GTPBP1: variants seen among roughly 807,000 people sequenced by gnomAD.
The protein encoded by GTPBP1 is GTP binding protein 1.
Under a neutral mutation model 62.0 loss-of-function variants are expected in GTPBP1, and 23 were observed. That is an observed-to-expected ratio of 0.37 (90% CI 0.27 to 0.53). GTPBP1 has a LOEUF of 0.53. Among genes scored for constraint, GTPBP1 ranks in the 20% least tolerant of loss-of-function variants. The pLI is 0.89. For synonymous variants in GTPBP1, 344 were observed against 364.4 expected (o/e 0.94, Z 0.64); for missense variants, 640 against 917.3 (o/e 0.70, Z 3.90).
chr22:38,734,699 T>C (rs1603207601), downstream of GTPBP1: 1 of 178,640 alleles, frequency 5.6e-6, no homozygotes, highest in African/African-American at 2.4e-5. Context: ...CCCTAGGTGA[T>C]AGGCAAAAGC....
downstream of GTPBP1, chr22:38,740,995 G>A: frequency 6.3e-7 from 1 of 1,587,954 alleles, no homozygotes; most frequent in Non-Finnish European, 8.6e-7. The surrounding 1 kb of genome is among the most constrained non-coding windows in gnomAD (Gnocchi z 4.8). Flanking sequence ...GCCAGCTGGT[G>A]GCGCCCAGTA....
At chr22:38,740,861 T>G (rs1453752177), downstream of GTPBP1, 1 of 885,632 alleles carries the variant, frequency 1.1e-6, no homozygotes, top group East Asian at 2.7e-5. This position sits in a 1 kb window ranked among gnomAD's most constrained non-coding sequence, Gnocchi z 4.8. Context: ...GCAGGGGTCC[T>G]GAGCTGGGTT....
At position 38,723,178 on chromosome 22, in the gene GTPBP1, A is replaced by G. The variant is rs575146107; in HGVS notation, c.959-1119A>G. ...TGTCACTAAAAGCAACAGTTTCTGT[A>G]GGACCACGAAGGTGAAATCCAAAGG... is the stretch of plus-strand genomic sequence containing the variant. On this transcript the variant is annotated intron_variant, in intron 5 of 11. Coordinates refer to ENST00000216044, the MANE Select transcript of GTPBP1 (RefSeq NM_004286.5). The G allele has an allele frequency of 7.0e-5, 60 of 860,250 alleles. 1 individual carries two copies. In the East Asian group the frequency reaches 1.4e-3, roughly 20 times the overall value. The allele number at this position is 860,250 out of a possible 1,614,324, so 53.3% of individuals were successfully genotyped here. A position where few individuals can be genotyped will look rare whatever the true frequency, so the allele number is the denominator to read the frequency against.
At chr22:38,710,679 T>G (rs969443671) in intron 2 of GTPBP1, among the ~76,000 whole-genome samples, 2 of 152,230 alleles carry the variant, frequency 1.3e-5, no homozygotes, top group Non-Finnish European at 2.9e-5. Context: ...GAAGCTTTGA[T>G]GTCAGGTACA....
At chr22:38,736,357 C>T (rs775998616), downstream of GTPBP1, 2 of 1,613,890 alleles carry the variant, frequency 1.2e-6, no homozygotes, top group Non-Finnish European at 1.7e-6. Flanking sequence ...GCTCCACCAC[C>T]TGGTACGTGG....
Position 38,731,370 on chromosome 22 carries a change from A to G in GTPBP1, c.*666A>G, listed in dbSNP as rs2092759501. 6.6e-6 allele frequency: 1 copy of G among 152,508 alleles called. No homozygotes were observed. Among genetic ancestry groups the G allele is most frequent in the Non-Finnish European group, 1.5e-5 (1 of 68,158 alleles). The allele number at this position is 152,508 out of a possible 1,614,324, so 9.4% of individuals were successfully genotyped here. On this transcript the variant is annotated 3_prime_UTR_variant, in exon 12 of 12. Coordinates refer to ENST00000216044, the MANE Select transcript of GTPBP1 (RefSeq NM_004286.5). ...CTCCTTTTTCCCTTTAAGCCCACAG[A>G]TTCAGGTCATGCCAAAAGCTCTCTG...
rs1424265638 is a variant in GTPBP1, at chr22:38,730,209, G to A, written c.1918-403G>A. 6.6e-6 allele frequency among the ~76,000 whole-genome samples: 1 copy of A among 152,198 alleles called. No individual in the cohort carries two copies. The highest frequency in any genetic ancestry group is 2.4e-5 in the African/African-American group (1 of 41,442). ...GGTGCCCCTTGCACCCCTCTCCCCA[G>A]CATCTTTCTCCATTGTCCCCTCATT... is the stretch of plus-strand genomic sequence containing the variant. On this transcript the variant is annotated intron_variant, in intron 11 of 11. Transcript: ENST00000216044. The surrounding 1 kb of genome is among the most constrained non-coding windows in gnomAD (Gnocchi z 5.6).
At chr22:38,706,615 G>A (rs62228764) in intron 1 of GTPBP1, 10,201 of 156,922 alleles carry the variant, frequency 0.065, 719 homozygotes, top group African/African-American at 0.17. Flanking sequence ...ATGAAGACAG[G>A]TAGTCGGAGG....
chr22:38,743,013 A>T (rs1227922153), downstream of GTPBP1: 3 of 158,228 alleles, frequency 1.9e-5, no homozygotes, highest in African/African-American at 7.2e-5. Flanking sequence ...CTCCTTCCCT[A>T]GGTAACTATG....
rs541840065 is a variant in GTPBP1, at chr22:38,722,641, G to C, written c.958+776G>C. ...ATATTTATGAGTACAAGCATAATTG[G>C]TTCCTTGCCTTCTACAGATAATCAT... On this transcript the variant is annotated intron_variant, in intron 5 of 11. Coordinates refer to ENST00000216044, the MANE Select transcript of GTPBP1 (RefSeq NM_004286.5). The C allele has an allele frequency of 3.9e-5, 56 of 1,446,246 alleles. 1 individual carries two copies. The South Asian group carries it at 5.8e-4, about 15-fold the overall frequency. 89.6% of individuals were successfully genotyped at this position (1,446,246 alleles called of 1,614,324 possible). A position where few individuals can be genotyped will look rare whatever the true frequency, so the allele number is the denominator to read the frequency against.
rs1204775539 is a variant in GTPBP1 at position 38,732,326 on chromosome 22, G to T, written c.*1622G>T. On this transcript the variant is annotated 3_prime_UTR_variant, in exon 12 of 12. Coordinates refer to ENST00000216044, the MANE Select transcript of GTPBP1 (RefSeq NM_004286.5). ...CTCTGCCTGCCCTGGGGCCCCTGGC[G>T]ACAGCTGGGAGCAGGGCAGTGCTGT... The T allele has an allele frequency of 6.6e-6, 1 of 152,588 alleles. No homozygotes were observed. The highest frequency in any genetic ancestry group is 1.5e-5 in the Non-Finnish European group (1 of 68,040). The allele number at this position is 152,588 out of a possible 1,614,324, so 9.5% of individuals were successfully genotyped here. A position where few individuals can be genotyped will look rare whatever the true frequency, so the allele number is the denominator to read the frequency against.
downstream of GTPBP1, chr22:38,738,183 A>T (rs1447580575): frequency 6.2e-7 from 1 of 1,613,942 alleles, no homozygotes; most frequent in Admixed American, 1.7e-5. This position sits in a 1 kb window ranked among gnomAD's most constrained non-coding sequence, Gnocchi z 6.6. Context: ...CTGAAAGTGA[A>T]ACGTCTGAAT....
chr22:38,723,691 C>T lies in GTPBP1; in HGVS notation c.959-606C>T, dbSNP rs887288791. Among the ~76,000 whole-genome samples the T allele has an allele frequency of 7.2e-5, 11 of 152,196 alleles. No individual in the cohort carries two copies. In the East Asian group the frequency reaches 1.7e-3, roughly 24 times the overall value. On this transcript the variant is annotated intron_variant, in intron 5 of 11. Coordinates refer to ENST00000216044, the MANE Select transcript of GTPBP1 (RefSeq NM_004286.5). Reference sequence around the variant, plus strand: ...AAATCTTGAGATCCTGAATCTGGCACCTCTTTTCAGGTGACCCCAGGCAGA... The same window carrying T: ...AAATCTTGAGATCCTGAATCTGGCATCTCTTTTCAGGTGACCCCAGGCAGA...
At chr22:38,707,183 G>T (rs553484496) in intron 1 of GTPBP1, among the ~76,000 whole-genome samples, 1 of 152,332 alleles carries the variant, frequency 6.6e-6, no homozygotes, top group East Asian at 1.9e-4. Context: ...GAACGAGATA[G>T]TTCCTAATTT....
In GTPBP1 at chr22:38,716,149, G is replaced by A; in HGVS notation, c.485+62G>A. ...TTCACAGAGGTTGGTGACTGAGCCT[G>A]TGGCACTTGGCGTGTCAGCTCCATC... On this transcript the variant is annotated intron_variant, in intron 3 of 11. Transcript: ENST00000216044. This position sits in a 1 kb window ranked among gnomAD's most constrained non-coding sequence, Gnocchi z 5.2. The A allele has an allele frequency of 7.4e-7, 1 of 1,356,308 alleles. No individual in the cohort carries two copies. Among genetic ancestry groups the A allele is most frequent in the Non-Finnish European group, 1.0e-6 (1 of 971,872 alleles). 84.0% of individuals were successfully genotyped at this position (1,356,308 alleles called of 1,614,324 possible).
downstream of GTPBP1, chr22:38,740,706 C>CA (rs1238144483): frequency 3.4e-6 from 2 of 583,768 alleles, no homozygotes; most frequent in Non-Finnish European, 6.1e-6. The surrounding 1 kb of genome is among the most constrained non-coding windows in gnomAD (Gnocchi z 4.8). Context: ...CAAGCATGGA[C>CA]ATCTGGGGCA....
downstream of GTPBP1, chr22:38,738,431 C>A (rs900434688): frequency 2.6e-6 from 3 of 1,167,422 alleles, no homozygotes; most frequent in African/African-American, 4.6e-5. The surrounding 1 kb of genome is among the most constrained non-coding windows in gnomAD (Gnocchi z 6.6). Flanking sequence ...CCTAAGGTAA[C>A]AGGGACTGAA....
rs747099709 is a variant in GTPBP1, at chr22:38,719,628, G to GT, written c.835-2102dup. Among the ~76,000 whole-genome samples, 589 of 142,918 alleles carry GT rather than the reference G, an allele frequency of 4.1e-3. 1 individual carries two copies. Among genetic ancestry groups the GT allele is most frequent in the African/African-American group, 6.0e-3 (237 of 39,182 alleles). The allele number at this position is 142,918 out of a possible 152,430, so 93.8% of individuals were successfully genotyped here. A position where few individuals can be genotyped will look rare whatever the true frequency, so the allele number is the denominator to read the frequency against. ...CAGCCAAGTATATATGTTTAGTTTGGTTTTTTTTTTTTGTGGCTGAATCAC... is the reference window on the plus strand; with the variant it reads ...CAGCCAAGTATATATGTTTAGTTTGGTTTTTTTTTTTTTGTGGCTGAATCAC... On this transcript the variant is annotated intron_variant, in intron 4 of 11. Transcript: ENST00000216044.
In GTPBP1 at chr22:38,727,616, GC is replaced by G. The variant is rs1322107768; in HGVS notation, c.1537+271del. ...CAAGGTCTGCTGAACGCTGCTATGT[GC>G]CCAGCGGTGTTGCTAAGGTGCTGGG... On this transcript the variant is annotated intron_variant, in intron 9 of 11. Coordinates refer to ENST00000216044, the MANE Select transcript of GTPBP1 (RefSeq NM_004286.5). The surrounding 1 kb of genome is among the most constrained non-coding windows in gnomAD (Gnocchi z 6.5). 1.3e-5 allele frequency among the ~76,000 whole-genome samples: 2 copies of G among 152,188 alleles called. No individual in the cohort carries two copies. Among genetic ancestry groups the G allele is most frequent in the East Asian group, 3.9e-4 (2 of 5,190 alleles).
Sources: gnomAD v4.1 joint callset for allele counts (sites outside exome capture counted in the v4.1 genomes callset) on GRCh38, gnomAD v4.1.1 for gene constraint, Gnocchi (gnomAD v3.1) non-coding constraint, MANE v1.5 for transcripts, NCBI Gene and HGNC (gene_info 2026-07-23, HGNC 2026-07-21) for gene names.